Variants in PARVG observed in about 807,000 individuals in gnomAD.
The protein encoded by PARVG is parvin gamma, also known as gamma-parvin.
Under a neutral mutation model 44.4 loss-of-function variants are expected in PARVG, and 36 were observed. The observed-to-expected ratio is 0.81, with a 90% CI of 0.62 to 1.07. PARVG has a LOEUF of 1.07. PARVG is among the 50% of genes least tolerant of loss of function. PARVG has a pLI of 0.00. For synonymous variants in PARVG, 170 were observed against 174.1 expected (o/e 0.98, Z 0.19); for missense variants, 407 against 407.4 (o/e 1.00, Z 0.01).
chr22:44,177,941 C>T (rs1027816005), upstream of PARVG, among the ~76,000 whole-genome samples: 2 of 152,118 alleles, frequency 1.3e-5, no homozygotes, highest in East Asian at 1.9e-4. Flanking sequence ...TCTTTGTAAT[C>T]GATCAATATT....
rs191663544 is a variant in PARVG at position 44,188,921 on chromosome 22, T to C, written c.248-193T>C. On this transcript the variant is annotated intron_variant, in intron 5 of 13. Coordinates refer to ENST00000444313, the MANE Select transcript of PARVG (RefSeq NM_022141.7). Reference sequence around the variant, plus strand: ...GCCCACCAATCCTGTTCTGTGTAGATGAGGGTCTCCTGGAAGCTGGAGGGC... The same window carrying C: ...GCCCACCAATCCTGTTCTGTGTAGACGAGGGTCTCCTGGAAGCTGGAGGGC... 2.3e-4 allele frequency: 153 copies of C among 653,858 alleles called. No homozygotes were observed. In the East Asian group the frequency reaches 3.8e-3, roughly 16 times the overall value. The allele number at this position is 653,858 out of a possible 1,614,324, so 40.5% of individuals were successfully genotyped here. A position where few individuals can be genotyped will look rare whatever the true frequency, so the allele number is the denominator to read the frequency against.
intron 13 of PARVG, 99 bp from the exon 14 acceptor site, chr22:44,206,218 C>T (rs1220515619): frequency 1.2e-6 from 1 of 862,564 alleles, no homozygotes; most frequent in African/African-American, 1.7e-5. Context: ...CTGGGATTAG[C>T]ACTGAAATCC....
At chr22:44,173,404 C>G (rs1267371236) in intron 1 of PARVG, among the ~76,000 whole-genome samples, 1 of 152,122 alleles carries the variant, frequency 6.6e-6, no homozygotes, top group East Asian at 1.9e-4. Flanking sequence ...GTGGCCTGCC[C>G]TCCGTGCTGG....
chr22:44,173,181 C>T (rs1205902183), exon 1 of PARVG: 22 of 1,265,870 alleles, frequency 1.7e-5, no homozygotes, highest in Non-Finnish European at 2.1e-5. Context: ...GCAGCAGAGT[C>T]ACAGCTGCAG....
intron 8 of PARVG, among the ~76,000 whole-genome samples, chr22:44,193,408 G>A (rs935421231): frequency 3.3e-5 from 5 of 152,152 alleles, no homozygotes; most frequent in African/African-American, 7.2e-5. Flanking sequence ...GGGAGAACAC[G>A]GGGGGTGCTG....
chr22:44,185,943 C>A, intron 4 of PARVG, 71 bp downstream of exon 4: 2 of 1,470,040 alleles, frequency 1.4e-6, no homozygotes, highest in Non-Finnish European at 1.9e-6. Flanking sequence ...CTCCACGGGG[C>A]GGGGACAGCA....
At chr22:44,187,561 G>T in intron 4 of PARVG, 7 of 603,748 alleles carry the variant, frequency 1.2e-5, no homozygotes, top group Admixed American at 2.7e-5. Context: ...CACTGCTCAG[G>T]TTTGTGATGG....
chr22:44,177,584 T>C (rs1318447947), upstream of PARVG, among the ~76,000 whole-genome samples: 3 of 152,166 alleles, frequency 2.0e-5, no homozygotes, highest in African/African-American at 7.2e-5. Context: ...TTCCAGAATG[T>C]CTTGCAGCTT....
At chr22:44,187,749 C>G (rs1161661100) in intron 4 of PARVG, 27 bp from the exon 5 acceptor site, 3 of 1,612,688 alleles carry the variant, frequency 1.9e-6, no homozygotes, top group Non-Finnish European at 2.5e-6. Flanking sequence ...TCCATCCCCC[C>G]AAAAGTTGTC....
intron 1 of PARVG, among the ~76,000 whole-genome samples, chr22:44,174,974 T>C (rs2054305350): frequency 6.6e-6 from 1 of 151,972 alleles, no homozygotes; most frequent in African/African-American, 2.4e-5. Context: ...ATAAAAAAAT[T>C]AGCTGGGCGT....
chr22:44,175,384 C>T (rs1419943235), intron 1 of PARVG, among the ~76,000 whole-genome samples: 1 of 152,222 alleles, frequency 6.6e-6, no homozygotes, highest in African/African-American at 2.4e-5. Context: ...CTTCTGAGGT[C>T]ACCTCTGTTC....
upstream of PARVG, among the ~76,000 whole-genome samples, chr22:44,176,537 T>G (rs1189180354): frequency 6.6e-6 from 1 of 152,084 alleles, no homozygotes; most frequent in African/African-American, 2.4e-5. Context: ...CGTCCACATT[T>G]TGGATACTTC....
At chr22:44,176,657 TTTA>T (rs2054321910), upstream of PARVG, among the ~76,000 whole-genome samples, 1 of 152,010 alleles carries the variant, frequency 6.6e-6, no homozygotes, top group African/African-American at 2.4e-5. Context: ...TTTTTTTTCT[TTTA>T]ACATTTTACT....
intron 6 of PARVG, 46 bp downstream of exon 6, chr22:44,189,300 T>C (rs368064899): frequency 3.1e-6 from 5 of 1,601,868 alleles, no homozygotes; most frequent in African/African-American, 2.7e-5. Flanking sequence ...GTGGGGCCGC[T>C]GGGGTCCTTC....
chr22:44,188,645 A>C (rs2054507619), intron 5 of PARVG: 1 of 172,056 alleles, frequency 5.8e-6, no homozygotes, highest in African/African-American at 2.4e-5. Flanking sequence ...TCCCCATTTC[A>C]CAGATGAGGA....
In PARVG at chr22:44,198,666, G is replaced by T. The variant is rs1410267789; in HGVS notation, c.757G>T (p.Gly253Cys). Residue 253 changes from glycine (G) to cysteine (C), a missense_variant, in exon 12 of 14, where the codon GGC becomes TGC. By Grantham distance (159) the Gly-to-Cys change is radical. Coordinates refer to ENST00000444313, the MANE Select transcript of PARVG (RefSeq NM_022141.7). ...ACTCTTGCTGATTGGACAACTTGAAGGCTTCTTCCTGCACTTAAAGGAATT... is the reference window on the plus strand; with the variant it reads ...ACTCTTGCTGATTGGACAACTTGAATGCTTCTTCCTGCACTTAAAGGAATT... ...ILLLLIGQLE[G>C]FFLHLKEFYL... 1.2e-6 allele frequency: 2 copies of T among 1,613,826 alleles called. No homozygotes were observed. The highest frequency in any genetic ancestry group is 1.7e-6 in the Non-Finnish European group (2 of 1,179,902).
intron 8 of PARVG, among the ~76,000 whole-genome samples, chr22:44,192,732 C>T (rs192249116): frequency 2.7e-4 from 40 of 145,736 alleles, no homozygotes; most frequent in Non-Finnish European, 5.2e-4. Context: ...CCCTGCCCAC[C>T]GGGGGTGTGG....
At position 44,187,898 on chromosome 22, in the gene PARVG, G is replaced by C; in HGVS notation, c.247+20G>C. ...TATTCCGTAAGTGGCTGTTTCTGGG[G>C]CTGCCTGGGCCTCGGCCCCATCCCC... On this transcript the variant is annotated intron_variant, in intron 5 of 13. Transcript: ENST00000444313. 3.7e-6 allele frequency: 6 copies of C among 1,613,458 alleles called. No individual in the cohort carries two copies. The highest frequency in any genetic ancestry group is 5.1e-6 in the Non-Finnish European group (6 of 1,179,758).
intron 9 of PARVG, among the ~76,000 whole-genome samples, chr22:44,194,595 G>A (rs1005155890): frequency 6.9e-6 from 1 of 144,616 alleles, no homozygotes; most frequent in Non-Finnish European, 1.5e-5. Context: ...ATCCATTCAT[G>A]CCTCCATTCA....
Sources: allele counts gnomAD v4.1 joint callset (sites outside exome capture counted in the v4.1 genomes callset), GRCh38; gene constraint gnomAD v4.1.1; transcripts MANE v1.5; gene names NCBI Gene and HGNC (gene_info 2026-07-23, HGNC 2026-07-21).